ARB2A: variants seen among roughly 807,000 people sequenced by gnomAD.
The protein encoded by ARB2A is cotranscriptional regulator ARB2A.
chr5:93,642,412 A>C, the ARB2A span, among the ~76,000 whole-genome samples: 1 of 151,928 alleles, frequency 6.6e-6, no homozygotes, highest in Non-Finnish European at 1.5e-5. Flanking sequence ...TTGCTCTGTC[A>C]CTCAGGCTGG....
the ARB2A span, among the ~76,000 whole-genome samples, chr5:94,103,212 GAC>G: frequency 6.6e-6 from 1 of 152,038 alleles, no homozygotes; most frequent in African/African-American, 2.4e-5. Flanking sequence ...CCACTTAAGA[GAC>G]ACAGAGTGGC....
At chr5:94,029,935 G>T in the ARB2A span, among the ~76,000 whole-genome samples, 13 of 152,280 alleles carry the variant, frequency 8.5e-5, no homozygotes, top group South Asian at 2.1e-3. Context: ...CATGGCGGGG[G>T]AGGCCTCACA....
chr5:93,803,897 G>A, the ARB2A span, among the ~76,000 whole-genome samples: 2 of 151,910 alleles, frequency 1.3e-5, no homozygotes, highest in African/African-American at 4.8e-5. Context: ...AGAGATGCTG[G>A]GTTAGGATTA....
At chr5:93,919,986 G>A in the ARB2A span, among the ~76,000 whole-genome samples, 46 of 151,840 alleles carry the variant, frequency 3.0e-4, no homozygotes, top group South Asian at 2.5e-3. Flanking sequence ...TTTTTTTCTT[G>A]AGACTCTATA....
chr5:94,040,654 G>T, the ARB2A span, among the ~76,000 whole-genome samples: 1 of 152,048 alleles, frequency 6.6e-6, no homozygotes. Context: ...ACTGCAATGG[G>T]TGGGTCTTTC....
chr5:94,026,321 C>A, the ARB2A span, among the ~76,000 whole-genome samples: 9 of 151,976 alleles, frequency 5.9e-5, no homozygotes, highest in African/African-American at 2.2e-4. Context: ...ACTGTTATAT[C>A]CTTTGGTGTA....
At chr5:94,104,154 C>CTTGACCAA in the ARB2A span, among the ~76,000 whole-genome samples, 4 of 149,076 alleles carry the variant, frequency 2.7e-5, no homozygotes, top group South Asian at 8.4e-4. Context: ...AAACCAAAAT[C>CTTGACCAA]AGAGCTGACT....
At chr5:93,794,380 CTTGATTAG>C in the ARB2A span, among the ~76,000 whole-genome samples, 3 of 151,898 alleles carry the variant, frequency 2.0e-5, no homozygotes, top group African/African-American at 7.3e-5. Flanking sequence ...CTGGTGCCTC[CTTGATTAG>C]CTTAATAATT....
chr5:93,707,948 T>G, the ARB2A span, among the ~76,000 whole-genome samples: 2 of 152,234 alleles, frequency 1.3e-5, no homozygotes, highest in Non-Finnish European at 2.9e-5. Flanking sequence ...CTCTACCCAT[T>G]TACTCCTTTC....
chr5:93,985,995 C>T, the ARB2A span, among the ~76,000 whole-genome samples: 34 of 150,904 alleles, frequency 2.3e-4, no homozygotes, highest in African/African-American at 5.6e-4. Flanking sequence ...TCTGCCTGGC[C>T]GCCTATCGTC....
the ARB2A span, chr5:93,621,038 C>T: frequency 6.2e-7 from 1 of 1,611,774 alleles, no homozygotes; most frequent in East Asian, 2.2e-5. Context: ...CAGCCGGCTT[C>T]AGGGAGCTGG....
the ARB2A span, among the ~76,000 whole-genome samples, chr5:93,702,177 T>G: frequency 6.6e-6 from 1 of 152,190 alleles, no homozygotes; most frequent in Non-Finnish European, 1.5e-5. Context: ...AGACCGTAAC[T>G]TATACATACA....
At chr5:93,743,017 T>A in the ARB2A span, 1 of 152,220 alleles carries the variant, frequency 6.6e-6, no homozygotes, top group South Asian at 2.1e-4. Flanking sequence ...TCAAATCTTA[T>A]GTACTGGGAC....
At chr5:93,641,998 T>C in the ARB2A span, among the ~76,000 whole-genome samples, 1 of 152,182 alleles carries the variant, frequency 6.6e-6, no homozygotes, top group East Asian at 1.9e-4. Flanking sequence ...ATTTATTTAT[T>C]TTTAGACAGG....
the ARB2A span, among the ~76,000 whole-genome samples, chr5:93,627,234 C>T: frequency 6.6e-6 from 1 of 152,158 alleles, no homozygotes; most frequent in Admixed American, 6.5e-5. Flanking sequence ...TCTTGAATCC[C>T]TCAAAGACGT....
chr5:94,005,194 G>A, the ARB2A span, among the ~76,000 whole-genome samples: 21 of 151,778 alleles, frequency 1.4e-4, no homozygotes, highest in African/African-American at 4.8e-4. Flanking sequence ...TTGCCACTCC[G>A]TGTTTTTTTT....
chr5:93,626,194 T>A, the ARB2A span, among the ~76,000 whole-genome samples: 1 of 152,330 alleles, frequency 6.6e-6, no homozygotes, highest in African/African-American at 2.4e-5. Context: ...AATGAAGACA[T>A]GGGTTATTTA....
chr5:93,917,413 C>T, the ARB2A span, among the ~76,000 whole-genome samples: 1 of 152,032 alleles, frequency 6.6e-6, no homozygotes, highest in Non-Finnish European at 1.5e-5. Context: ...TCAATTTATC[C>T]CAAATCCAGT....
At chr5:93,688,438 G>A in the ARB2A span, among the ~76,000 whole-genome samples, 5 of 151,984 alleles carry the variant, frequency 3.3e-5, no homozygotes, top group South Asian at 2.1e-4. Flanking sequence ...CTTCACATTC[G>A]GACTAGCTAT....
Sources: gnomAD v4.1 joint callset for allele counts (sites outside exome capture counted in the v4.1 genomes callset) on GRCh38, gnomAD v4.1.1 for gene constraint, MANE v1.5 for transcripts, NCBI Gene and HGNC (gene_info 2026-07-23, HGNC 2026-07-21) for gene names.